Variants in KIAA0753 observed in about 807,000 individuals in gnomAD.
KIAA0753 encodes KIAA0753.
In KIAA0753, 114 loss-of-function variants were observed where a neutral mutation model predicts 116.9. The ratio of observed to expected loss-of-function variants is 0.98; its 90% CI spans 0.84 to 1.14. The LOEUF (loss-of-function observed/expected upper bound fraction) is 1.14, where lower values mean the gene tolerates loss of function less well. KIAA0753 is among the 50% of genes most tolerant of loss of function. The pLI is 0.00. For missense variants in KIAA0753, 1,156 were observed against 1,172.4 expected, an observed-to-expected ratio of 0.99 and a Z score of 0.20; for synonymous variants, 405 against 413.1, an observed-to-expected ratio of 0.98 and a Z score of 0.24.
In KIAA0753 at chr17:6,620,869, C is replaced by G; in HGVS notation, c.1234G>C (p.Gly412Arg). The G allele has an allele frequency of 1.2e-6, 2 of 1,614,146 alleles. No individual in the cohort carries two copies. The highest frequency in any genetic ancestry group is 8.5e-7 in the Non-Finnish European group (1 of 1,180,020). ...TTTGCTGTGAGGGGCCTCCTCTCAC[C>G]CTTTGGTGATGTACTTGGCCATCTC... ...LERWPSTSPK[G>R]ERRPLTAKDT... The change falls in exon 7 of 19, where the codon GGT (glycine) becomes CGT (arginine). Residue 412 changes from glycine (G) to arginine (R), a missense_variant. Transcript: ENST00000361413.
intron 1 of KIAA0753, chr17:6,637,862 T>C (rs1328242705): frequency 6.5e-6 from 1 of 152,820 alleles, no homozygotes; most frequent in Non-Finnish European, 1.5e-5. Flanking sequence ...GTGCCAGGCA[T>C]TCCTGCAGTT....
At chr17:6,635,348 A>G (rs1164702802) in intron 1 of KIAA0753, 177 bp from the exon 2 acceptor site, 2 of 318,432 alleles carry the variant, frequency 6.3e-6, no homozygotes, top group Non-Finnish European at 1.1e-5. Flanking sequence ...AAAAGCAACC[A>G]CACTTTGGAA....
chr17:6,628,416 G>C lies in KIAA0753; in HGVS notation c.419C>G (p.Pro140Arg). 6.2e-7 allele frequency: 1 copy of C among 1,614,096 alleles called. No homozygotes were observed. Among genetic ancestry groups the C allele is most frequent in the Non-Finnish European group, 8.5e-7 (1 of 1,180,014 alleles). The change falls in exon 3 of 19, where the codon CCC (proline) becomes CGC (arginine). Residue 140 changes from proline to arginine, a missense_variant. Physicochemically the swap from Pro to Arg is moderately radical, Grantham distance 103. Transcript: ENST00000361413. ...QKCGHTKYKI[P>R]DHRVERKESK... ...TTCCTTCCTTTCCACCCTGTGGTCG[G>C]GTATTTTATACTTAGTATGTCCACA... is the stretch of plus-strand genomic sequence containing the variant.
intron 3 of KIAA0753, among the ~76,000 whole-genome samples, chr17:6,627,866 C>T (rs1971770055): frequency 6.6e-6 from 1 of 152,162 alleles, no homozygotes; most frequent in South Asian, 2.1e-4. Flanking sequence ...GGCCCTCAGT[C>T]AGTGGACATT....
intron 14 of KIAA0753, 65 bp downstream of exon 14, chr17:6,599,172 T>G (rs1969679413): frequency 3.5e-6 from 4 of 1,137,528 alleles, no homozygotes; most frequent in African/African-American, 1.5e-5. Context: ...TGTATTTCAT[T>G]TTCATTACAA....
At chr17:6,590,928 C>T (rs2150750140) in intron 16 of KIAA0753, among the ~76,000 whole-genome samples, 1 of 150,998 alleles carries the variant, frequency 6.6e-6, no homozygotes, top group East Asian at 1.9e-4. Context: ...ACCCAGCCAC[C>T]CACTCAAGGA....
intron 12 of KIAA0753, 35 bp downstream of exon 12, chr17:6,606,838 A>AC: frequency 6.4e-7 from 1 of 1,559,848 alleles, no homozygotes. Flanking sequence ...GAACAGGCAA[A>AC]CATCCACTAT....
chr17:6,583,046 C>G (rs1174317109), intron 18 of KIAA0753, among the ~76,000 whole-genome samples: 5 of 152,218 alleles, frequency 3.3e-5, no homozygotes, highest in African/African-American at 1.2e-4. Flanking sequence ...TTCTGACCTT[C>G]CATCTGTGAC....
At chr17:6,607,039 C>T (rs898822043) in intron 11 of KIAA0753, 77 bp from the exon 12 acceptor site, 1 of 1,464,284 alleles carries the variant, frequency 6.8e-7, no homozygotes, top group Non-Finnish European at 9.6e-7. Flanking sequence ...AGTCTTGGCT[C>T]CCCCCTTGGC....
intron 5 of KIAA0753, 31 bp from the exon 6 acceptor site, chr17:6,623,128 T>A: frequency 6.4e-7 from 1 of 1,570,900 alleles, no homozygotes. Context: ...AGAAGTTATT[T>A]CCATACTCAG....
intron 15 of KIAA0753, among the ~76,000 whole-genome samples, 176 bp downstream of exon 15, chr17:6,595,979 CCCT>C (rs1969444159): frequency 6.6e-6 from 1 of 152,190 alleles, no homozygotes; most frequent in Non-Finnish European, 1.5e-5. Flanking sequence ...CCTTAAAACT[CCCT>C]ACTTATCAGA....
intron 12 of KIAA0753, among the ~76,000 whole-genome samples, chr17:6,604,940 A>G (rs1051267039): frequency 7.9e-5 from 12 of 152,128 alleles, no homozygotes; most frequent in Admixed American, 7.2e-4. Context: ...AAGGTCTGAA[A>G]GGATTTACTT....
In KIAA0753 at chr17:6,628,124, A is replaced by G. The variant is rs1464366576; in HGVS notation, c.711T>C (p.Thr237=). 6.2e-7 allele frequency: 1 copy of G among 1,604,534 alleles called. No individual in the cohort carries two copies. The highest frequency in any genetic ancestry group is 8.5e-7 in the Non-Finnish European group (1 of 1,176,458). Residue 237 remains threonine (T), a synonymous_variant, in exon 3 of 19, where the codon ACT becomes ACC. Coordinates refer to ENST00000361413, the MANE Select transcript of KIAA0753 (RefSeq NM_014804.3). ...SSCIHKIEEV[T]KKDRLEEALD... ...GAATCTAATTTTTCTCACCTTTTTTAGTTACCTCTTCAATTTTGTGGATAC... is the reference window on the plus strand; with the variant it reads ...GAATCTAATTTTTCTCACCTTTTTTGGTTACCTCTTCAATTTTGTGGATAC...
chr17:6,591,548 C>T (rs767098097), intron 16 of KIAA0753, among the ~76,000 whole-genome samples: 2 of 152,212 alleles, frequency 1.3e-5, no homozygotes, highest in Non-Finnish European at 2.9e-5. Context: ...TACTACGATT[C>T]CATGATTCCA....
chr17:6,634,894 A>C, intron 2 of KIAA0753, 117 bp downstream of exon 2: 1 of 691,764 alleles, frequency 1.4e-6, no homozygotes, highest in Non-Finnish European at 2.5e-6. Context: ...AAACAGAAAA[A>C]ATTGTTAGCA....
Position 6,579,540 on chromosome 17 carries a change from C to T in KIAA0753, c.*207G>A. The T allele has an allele frequency of 1.8e-6, 1 of 559,832 alleles. No homozygotes were observed. Among genetic ancestry groups the T allele is most frequent in the East Asian group, 2.9e-5 (1 of 34,506 alleles). 34.7% of individuals were successfully genotyped at this position (559,832 alleles called of 1,614,324 possible). ...TGCCTGGGCACTGATAAGTGTGATA[C>T]ATTGCATCATACATTTCCAGAACCA... On this transcript the variant is annotated 3_prime_UTR_variant, in exon 19 of 19. Coordinates refer to ENST00000361413, the MANE Select transcript of KIAA0753 (RefSeq NM_014804.3).
At chr17:6,627,180 C>T (rs1020794323) in intron 3 of KIAA0753, among the ~76,000 whole-genome samples, 2 of 152,088 alleles carry the variant, frequency 1.3e-5, no homozygotes, top group Admixed American at 6.5e-5. Context: ...ATTTGACGTT[C>T]CCTCTTTAGC....
chr17:6,624,932 T>A, intron 3 of KIAA0753, 71 bp from the exon 4 acceptor site: 2 of 940,614 alleles, frequency 2.1e-6, no homozygotes, highest in Non-Finnish European at 3.3e-6. Context: ...AGACTTCAAT[T>A]ACTTACAGAA....
chr17:6,609,287 C>T (rs1337327202), intron 9 of KIAA0753, among the ~76,000 whole-genome samples: 1 of 152,212 alleles, frequency 6.6e-6, no homozygotes, highest in Non-Finnish European at 1.5e-5. Flanking sequence ...TTTTTCTGTT[C>T]CACCTCCTGG....
Sources: gnomAD v4.1 joint callset for allele counts (sites outside exome capture counted in the v4.1 genomes callset) on GRCh38, gnomAD v4.1.1 for gene constraint, MANE v1.5 for transcripts, NCBI Gene and HGNC (gene_info 2026-07-23, HGNC 2026-07-21) for gene names.